The following TRPM3 variants were observed in gnomAD, a reference collection of about 807,000 sequenced individuals.
TRPM3 encodes the protein transient receptor potential cation channel subfamily M member 3.
A neutral mutation model predicts 181.2 loss-of-function variants in TRPM3; 77 were observed. The observed-to-expected ratio is 0.42, with a 90% confidence interval of 0.35 to 0.51. TRPM3 has a LOEUF of 0.51. Among genes scored for constraint, TRPM3 ranks in the 20% least tolerant of loss-of-function variants. The pLI is 0.01. For missense variants in TRPM3, 1,759 were observed against 2,196.7 expected (o/e 0.80, Z 3.98); for synonymous variants, 745 against 796.4 (o/e 0.94, Z 1.09).
chr9:70,897,881 T>C (rs1412444675), intron 1 of TRPM3, among the ~76,000 whole-genome samples: 4 of 152,340 alleles, frequency 2.6e-5, no homozygotes, highest in Non-Finnish European at 4.4e-5. Context: ...AGGGTCAGAC[T>C]GGTAAATTAT....
At chr9:70,602,377 T>A (rs1166680267) in intron 20 of TRPM3, among the ~76,000 whole-genome samples, 2 of 152,070 alleles carry the variant, frequency 1.3e-5, no homozygotes, top group Non-Finnish European at 2.9e-5. Flanking sequence ...AAGAATGAAG[T>A]TGTGGATTTG....
chr9:71,067,142 A>G (rs1304573748), intron 1 of TRPM3, among the ~76,000 whole-genome samples: 1 of 152,232 alleles, frequency 6.6e-6, no homozygotes, highest in Admixed American at 6.5e-5. Context: ...GTGAACATGT[A>G]CAGAAGTCAA....
At chr9:70,989,604 G>A (rs1166003796) in intron 1 of TRPM3, among the ~76,000 whole-genome samples, 1 of 152,074 alleles carries the variant, frequency 6.6e-6, no homozygotes, top group Non-Finnish European at 1.5e-5. Flanking sequence ...TACGGTGTTG[G>A]CATTTTCTGC....
At chr9:71,267,445 G>C (rs1317133549) in intron 1 of TRPM3, among the ~76,000 whole-genome samples, 1 of 152,164 alleles carries the variant, frequency 6.6e-6, no homozygotes, top group Non-Finnish European at 1.5e-5. Flanking sequence ...GATGGTTGTT[G>C]AATGAATAAA....
At chr9:70,861,365 C>CT (rs1182811409) in intron 3 of TRPM3, among the ~76,000 whole-genome samples, 1 of 152,126 alleles carries the variant, frequency 6.6e-6, no homozygotes, top group Non-Finnish European at 1.5e-5. Flanking sequence ...GATGCTCTCA[C>CT]TTACAAGCCT....
chr9:71,247,418 G>T (rs1056234070), intron 1 of TRPM3, among the ~76,000 whole-genome samples: 1 of 151,146 alleles, frequency 6.6e-6, no homozygotes, highest in Non-Finnish European at 1.5e-5. Context: ...ATAGGAATTG[G>T]CAAGTCATTG....
intron 1 of TRPM3, among the ~76,000 whole-genome samples, chr9:71,256,783 T>C (rs10868999): frequency 0.54 from 81,294 of 151,876 alleles, 21,838 homozygotes; most frequent in Middle Eastern, 0.59. Flanking sequence ...TTGCAAGGCA[T>C]GTTAAAAAAA....
In TRPM3 at chr9:71,250,632, G is replaced by A. The variant is rs575486781; in HGVS notation, c.183+196021C>T. 4.6e-5 allele frequency among the ~76,000 whole-genome samples: 7 copies of A among 152,258 alleles called. No individual in the cohort carries two copies. In the East Asian group the frequency reaches 9.6e-4, roughly 21 times the overall value. ...ATAAGGATTCCTAGTCTCAAGGAGC[G>A]CTTTGGATTATAAAGGAGGATGTGA... On this transcript the variant is annotated intron_variant, in intron 1 of 24. Coordinates refer to the TRPM3 transcript ENST00000357533.
chr9:70,814,344 G>C (rs748401943), intron 6 of TRPM3, among the ~76,000 whole-genome samples: 1 of 152,116 alleles, frequency 6.6e-6, no homozygotes, highest in African/African-American at 2.4e-5. Flanking sequence ...CTAGGAACAT[G>C]ATGAAGGAGC....
intron 8 of TRPM3, among the ~76,000 whole-genome samples, chr9:70,747,403 TA>T (rs1311733220): frequency 6.6e-6 from 1 of 152,112 alleles, no homozygotes; most frequent in Non-Finnish European, 1.5e-5. Flanking sequence ...ATAGAAAATT[TA>T]AAAATGACTG....
intron 1 of TRPM3, among the ~76,000 whole-genome samples, chr9:71,203,464 A>G (rs895771537): frequency 3.3e-5 from 5 of 152,150 alleles, no homozygotes; most frequent in African/African-American, 1.2e-4. Context: ...TTAAGCTTTC[A>G]TTTGCTCACT....
At chr9:70,963,187 A>G (rs2097153901) in intron 1 of TRPM3, among the ~76,000 whole-genome samples, 1 of 152,216 alleles carries the variant, frequency 6.6e-6, no homozygotes, top group African/African-American at 2.4e-5. Flanking sequence ...ATGCACTGCT[A>G]GTGAAAACAA....
chr9:70,813,267 C>T (rs1480007135), intron 6 of TRPM3, among the ~76,000 whole-genome samples: 1 of 152,120 alleles, frequency 6.6e-6, no homozygotes, highest in Non-Finnish European at 1.5e-5. Context: ...CCCGGGTGCT[C>T]ATCAGTGGTG....
At position 71,316,589 on chromosome 9, in the gene TRPM3, T is replaced by G. The variant is rs867569095; in HGVS notation, c.183+130064A>C. 1.7e-4 allele frequency among the ~76,000 whole-genome samples: 26 copies of G among 152,164 alleles called. No homozygotes were observed. The Middle Eastern group carries it at 0.017, about 100-fold the overall frequency. On this transcript the variant is annotated intron_variant, in intron 1 of 24. Transcript: ENST00000357533. ...AGGTCACCAAGAGACGTAACATTGC[T>G]GTCTTTGAAGATGGAAGGAGGAGGC...
rs117969817 is a variant in TRPM3 at position 70,809,805 on chromosome 9, A to G, written c.973+18042T>C. ...CCCAGAACTATTAGTCTTTGAGAGT[A>G]TATTTCACTCCTTCCTAATTCCAGA... On this transcript the variant is annotated intron_variant, in intron 6 of 25. Coordinates refer to ENST00000677713, the MANE Select transcript of TRPM3 (RefSeq NM_001366145.2). Among the ~76,000 whole-genome samples, 1,048 of 152,306 alleles carry G rather than the reference A, an allele frequency of 6.9e-3. 8 individuals carry two copies. The highest frequency in any genetic ancestry group is 0.012 in the South Asian group (59 of 4,816).
intron 1 of TRPM3, among the ~76,000 whole-genome samples, chr9:71,221,984 T>TA (rs777587282): frequency 6.6e-6 from 1 of 152,200 alleles, no homozygotes; most frequent in Non-Finnish European, 1.5e-5. Flanking sequence ...TGTGGGTTCT[T>TA]ACATTTTTTT....
At chr9:70,815,598 G>A (rs532602417) in intron 6 of TRPM3, among the ~76,000 whole-genome samples, 19 of 152,284 alleles carry the variant, frequency 1.2e-4, no homozygotes, top group African/African-American at 3.6e-4. Flanking sequence ...GAATGAGGTT[G>A]AGCACTTGTA....
chr9:70,655,323 A>G (rs1331631460), intron 9 of TRPM3, among the ~76,000 whole-genome samples: 2 of 150,648 alleles, frequency 1.3e-5, no homozygotes, highest in South Asian at 2.1e-4. Context: ...AAAAAAAAAA[A>G]AAAAAAAGAA....
At chr9:70,922,388 C>A (rs541740047) in intron 1 of TRPM3, among the ~76,000 whole-genome samples, 1 of 152,166 alleles carries the variant, frequency 6.6e-6, no homozygotes, top group Non-Finnish European at 1.5e-5. Context: ...AAAAGAAGTT[C>A]GACTGTTGTG....
Sources: allele counts gnomAD v4.1 joint callset (sites outside exome capture counted in the v4.1 genomes callset), GRCh38; gene constraint gnomAD v4.1.1; transcripts MANE v1.5; gene names NCBI Gene and HGNC (gene_info 2026-07-23, HGNC 2026-07-21).